LRMDA: variants seen among roughly 807,000 people sequenced by gnomAD.
The protein encoded by LRMDA is leucine rich melanocyte differentiation associated.
LRMDA carries 18 observed loss-of-function variants against 29.8 expected under a neutral mutation model. The observed-to-expected ratio is 0.60, with a 90% CI of 0.42 to 0.90. The LOEUF (loss-of-function observed/expected upper bound fraction) is 0.90. Among genes scored for constraint, LRMDA ranks in the 40% least tolerant of loss-of-function variants. The pLI is 0.00. For synonymous variants in LRMDA, 125 were observed against 109.4 expected, an observed-to-expected ratio of 1.14 and a Z score of -0.89; for missense variants, 273 against 273.9, an observed-to-expected ratio of 1.00 and a Z score of 0.02.
chr10:75,807,164 G>GC (rs1157176122), intron 2 of LRMDA, among the ~76,000 whole-genome samples: 1 of 152,114 alleles, frequency 6.6e-6, no homozygotes, highest in East Asian at 1.9e-4. Context: ...TTGTTGCTCT[G>GC]CATCCCAGCA....
At chr10:75,674,279 T>A (rs1841934662) in intron 2 of LRMDA, among the ~76,000 whole-genome samples, 1 of 152,142 alleles carries the variant, frequency 6.6e-6, no homozygotes, top group African/African-American at 2.4e-5. Flanking sequence ...AGGGAGCAGA[T>A]TTTAGGAACA....
chr10:75,732,078 C>G (rs192839340), intron 2 of LRMDA, among the ~76,000 whole-genome samples: 2 of 152,148 alleles, frequency 1.3e-5, no homozygotes, highest in Admixed American at 6.5e-5. Context: ...AACACTTTTA[C>G]GTTACCTATG....
Position 75,547,852 on chromosome 10 carries a change from C to G in LRMDA, c.131+109358C>G, listed in dbSNP as rs950357298. Among the ~76,000 whole-genome samples the G allele has an allele frequency of 1.3e-5, 2 of 152,126 alleles. 1 individual carries two copies. The highest frequency in any genetic ancestry group is 4.1e-4 in the South Asian group (2 of 4,820). On this transcript the variant is annotated intron_variant, in intron 2 of 6. Transcript: ENST00000611255. The stretch of plus-strand genomic sequence containing the variant: ...TGTGATCACAATTGTGATTTATCCT[C>G]ACCTCGAGTGGGTCCTCCTTTGGAC...
At chr10:76,233,167 A>G (rs1852091368) in intron 5 of LRMDA, among the ~76,000 whole-genome samples, 1 of 152,202 alleles carries the variant, frequency 6.6e-6, no homozygotes, top group African/African-American at 2.4e-5. Context: ...GCCTCCTTTC[A>G]CTATCAAGAC....
intron 2 of LRMDA, among the ~76,000 whole-genome samples, chr10:75,478,875 T>G (rs1484587878): frequency 6.6e-6 from 1 of 152,218 alleles, no homozygotes; most frequent in Non-Finnish European, 1.5e-5. Flanking sequence ...GTCTGATCTT[T>G]GCACTACTCC....
chr10:76,026,750 C>A (rs1421542658), intron 2 of LRMDA, among the ~76,000 whole-genome samples: 2 of 152,108 alleles, frequency 1.3e-5, no homozygotes, highest in Non-Finnish European at 1.5e-5. Context: ...GACTTAACAG[C>A]CCTTATAAAC....
At chr10:76,338,001 T>C (rs534440567) in intron 6 of LRMDA, among the ~76,000 whole-genome samples, 34 of 151,956 alleles carry the variant, frequency 2.2e-4, no homozygotes, top group African/African-American at 8.0e-4. Flanking sequence ...TAACACTGTT[T>C]ACTGTGACTA....
rs1356774992 is a variant in LRMDA at position 75,929,293 on chromosome 10, C to CTGTGTGTGTGTGTG, written c.132-106714_132-106713insGTGTGTGTGTGTGT. Among the ~76,000 whole-genome samples, 64 of 108,370 alleles carry CTGTGTGTGTGTGTG rather than the reference C, an allele frequency of 5.9e-4. No individual in the cohort carries two copies. The East Asian group carries it at 7.4e-3, about 13-fold the overall frequency. The allele number at this position is 108,370 out of a possible 152,430, so 71.1% of individuals were successfully genotyped here. ...ATATACAAGCATTTAAATGCATGAT[C>CTGTGTGTGTGTGTG]TATGTGTGTGTGTGTGTGTGTAAAT... On this transcript the variant is annotated intron_variant, in intron 2 of 6. Coordinates refer to ENST00000611255, the MANE Select transcript of LRMDA (RefSeq NM_001305581.2).
Position 76,363,255 on chromosome 10 carries a change from GAAGGAAGGAAGGAAGGAAGGA to G in LRMDA, c.601+38793_601+38813del, listed in dbSNP as rs1212632363. 1.6e-4 allele frequency among the ~76,000 whole-genome samples: 8 copies of G among 50,762 alleles called. 1 individual carries two copies. The highest frequency in any genetic ancestry group is 6.1e-4 in the African/African-American group (8 of 13,210). The allele number at this position is 50,762 out of a possible 152,430, so 33.3% of individuals were successfully genotyped here. A position where few individuals can be genotyped will look rare whatever the true frequency, so the allele number is the denominator to read the frequency against. ...AGAAAGAAAGAAAGAAAGAAAGAAA[GAAGGAAGGAAGGAAGGAAGGA>G]AAGGAAGGAAGGAAGGAAGGAAGGG... On this transcript the variant is annotated intron_variant, in intron 6 of 6. Coordinates refer to ENST00000611255, the MANE Select transcript of LRMDA (RefSeq NM_001305581.2).
rs537205756 is a variant in LRMDA, at chr10:76,045,095, A to T, written c.259-2069A>T. ...TAGTTTCCCCCTCTCTTGCTAGTTTACCTATTCTTGCTAGTTTTTCCCCTC... is the reference window on the plus strand; with the variant it reads ...TAGTTTCCCCCTCTCTTGCTAGTTTTCCTATTCTTGCTAGTTTTTCCCCTC... On this transcript the variant is annotated intron_variant, in intron 3 of 6. Transcript: ENST00000611255. Among the ~76,000 whole-genome samples, 14 of 110,444 alleles carry T rather than the reference A, an allele frequency of 1.3e-4. No individual in the cohort carries two copies. The East Asian group carries it at 2.7e-3, about 21-fold the overall frequency. 72.5% of individuals were successfully genotyped at this position (110,444 alleles called of 152,430 possible).
intron 6 of LRMDA, among the ~76,000 whole-genome samples, chr10:76,410,497 C>T (rs938168859): frequency 6.6e-6 from 1 of 151,550 alleles, no homozygotes; most frequent in Non-Finnish European, 1.5e-5. Context: ...TTTGTAGAGA[C>T]AGAGTTTTGC....
chr10:76,102,265 A>AT (rs1849406279), intron 5 of LRMDA, among the ~76,000 whole-genome samples: 1 of 151,762 alleles, frequency 6.6e-6, no homozygotes, highest in Non-Finnish European at 1.5e-5. Context: ...TTTAACTTTT[A>AT]TTTTAGATGT....
intron 6 of LRMDA, among the ~76,000 whole-genome samples, chr10:76,476,033 A>C (rs1436924943): frequency 6.6e-6 from 1 of 152,172 alleles, no homozygotes; most frequent in Non-Finnish European, 1.5e-5. Flanking sequence ...AGCAGAAGGC[A>C]AGAAATAACT....
At chr10:76,530,797 A>G (rs1341044947) in intron 6 of LRMDA, among the ~76,000 whole-genome samples, 1 of 152,202 alleles carries the variant, frequency 6.6e-6, no homozygotes, top group Admixed American at 6.5e-5. Flanking sequence ...GAATTCCATA[A>G]AAGAGCTAGA....
chr10:75,887,135 A>G (rs1208162926), intron 2 of LRMDA, among the ~76,000 whole-genome samples: 13 of 150,560 alleles, frequency 8.6e-5, no homozygotes, highest in Non-Finnish European at 4.4e-5. Context: ...ATATAAGTAT[A>G]TATACATTTA....
intron 2 of LRMDA, among the ~76,000 whole-genome samples, chr10:75,916,286 G>A (rs2132383300): frequency 6.6e-6 from 1 of 152,168 alleles, no homozygotes; most frequent in African/African-American, 2.4e-5. Flanking sequence ...TACCAAGGAG[G>A]CTAAGCAGTG....
chr10:76,307,168 A>G (rs1840566386), intron 5 of LRMDA, among the ~76,000 whole-genome samples: 1 of 152,088 alleles, frequency 6.6e-6, no homozygotes, highest in South Asian at 2.1e-4. Flanking sequence ...GCTGTTTTTA[A>G]TCTTCTGTGG....
intron 5 of LRMDA, among the ~76,000 whole-genome samples, chr10:76,070,055 A>G (rs924437589): frequency 2.6e-5 from 4 of 152,202 alleles, no homozygotes; most frequent in Non-Finnish European, 4.4e-5. Context: ...CCTTATTAAA[A>G]TGGGGAATGT....
At chr10:76,001,281 A>G (rs1287609124) in intron 2 of LRMDA, among the ~76,000 whole-genome samples, 1 of 152,182 alleles carries the variant, frequency 6.6e-6, no homozygotes, top group African/African-American at 2.4e-5. Context: ...ATCAACCATC[A>G]CATGTGTTTT....
Sources: gnomAD v4.1 joint callset for allele counts (sites outside exome capture counted in the v4.1 genomes callset) on GRCh38, gnomAD v4.1.1 for gene constraint, MANE v1.5 for transcripts, NCBI Gene and HGNC (gene_info 2026-07-23, HGNC 2026-07-21) for gene names.